SEL1L3: variants seen among roughly 807,000 people sequenced by gnomAD.
The protein encoded by SEL1L3 is SEL1L family member 3.
Under a neutral mutation model 142.8 loss-of-function variants are expected in SEL1L3, and 76 were observed. The observed-to-expected ratio is 0.53, with a 90% CI of 0.44 to 0.64. The LOEUF is 0.64. SEL1L3 is among the 30% of genes least tolerant of loss of function. SEL1L3 has a pLI of 0.00. For synonymous variants in SEL1L3, 504 were observed against 519.6 expected (o/e 0.97, Z 0.41); for missense variants, 1,262 against 1,381.7 (o/e 0.91, Z 1.37).
chr4:25,811,778 T>C (rs1714048518), intron 9 of SEL1L3, among the ~76,000 whole-genome samples: 2 of 151,558 alleles, frequency 1.3e-5, no homozygotes, highest in South Asian at 4.2e-4. Flanking sequence ...TTGTTGTTGT[T>C]GTTAGTAGCC....
At chr4:25,846,552 T>C (rs1716523814) in intron 2 of SEL1L3, among the ~76,000 whole-genome samples, 1 of 152,080 alleles carries the variant, frequency 6.6e-6, no homozygotes, top group African/African-American at 2.4e-5. Context: ...TGGTACAACC[T>C]CCCTTTCTGT....
chr4:25,801,086 C>T (rs1157177301), intron 11 of SEL1L3, among the ~76,000 whole-genome samples: 2 of 152,240 alleles, frequency 1.3e-5, no homozygotes, highest in African/African-American at 2.4e-5. Context: ...CTCAGAGCTG[C>T]TCACTAAGCA....
At chr4:25,718,538 G>A in the SEL1L3 span, 2 of 152,196 alleles carry the variant, frequency 1.3e-5, no homozygotes, top group Non-Finnish European at 2.9e-5. Flanking sequence ...CAAGGGTCTG[G>A]ATGAGGATAG....
chr4:25,784,547 C>G (rs190064912), intron 13 of SEL1L3, among the ~76,000 whole-genome samples: 161 of 152,316 alleles, frequency 1.1e-3, no homozygotes, highest in African/African-American at 3.7e-3. Flanking sequence ...GCAACCCTGT[C>G]AATCCACAGG....
the SEL1L3 span, among the ~76,000 whole-genome samples, chr4:25,714,506 TTCTTTC>T: frequency 2.6e-5 from 1 of 39,114 alleles, no homozygotes; most frequent in African/African-American, 6.9e-5. Flanking sequence ...TTCTTTTTCT[TTCTTTC>T]TTTCTTTCTT....
chr4:25,802,151 G>A (rs999752142), intron 11 of SEL1L3, 132 bp downstream of exon 11: 2 of 748,928 alleles, frequency 2.7e-6, no homozygotes, highest in Non-Finnish European at 4.4e-6. Context: ...GAGAGCGCAA[G>A]ACAGCTCCTC....
In SEL1L3 at chr4:25,847,286, T is replaced by C. The variant is rs1206924157; in HGVS notation, c.733+8A>G. 6 of 1,601,554 alleles carry C rather than the reference T, an allele frequency of 3.7e-6. No homozygotes were observed. The highest frequency in any genetic ancestry group is 5.1e-6 in the Non-Finnish European group (6 of 1,172,956). ...AGAATTAGGTTCCTAGCAAGATAGA[T>C]GACCTACCATTTTCCAGAGGACACT... On this transcript the variant is annotated splice_region_variant and intron_variant, in intron 2 of 23. Coordinates refer to ENST00000399878, the MANE Select transcript of SEL1L3 (RefSeq NM_015187.5).
At chr4:25,812,297 C>G (rs1714084669) in intron 9 of SEL1L3, among the ~76,000 whole-genome samples, 1 of 152,224 alleles carries the variant, frequency 6.6e-6, no homozygotes, top group African/African-American at 2.4e-5. Flanking sequence ...CGTCATCTCT[C>G]CTGTCTCCCC....
chr4:25,863,160 G>C (rs1358957282), upstream of SEL1L3, among the ~76,000 whole-genome samples: 1 of 140,274 alleles, frequency 7.1e-6, no homozygotes, highest in African/African-American at 2.6e-5. Flanking sequence ...ACGCAGGTGG[G>C]CACCGACCCG....
At chr4:25,844,421 TG>T (rs1365800533) in intron 2 of SEL1L3, among the ~76,000 whole-genome samples, 5 of 152,316 alleles carry the variant, frequency 3.3e-5, no homozygotes, top group African/African-American at 1.2e-4. Context: ...CTTTAACTCT[TG>T]GGAAAGGGTT....
At chr4:25,733,299 C>T in the SEL1L3 span, among the ~76,000 whole-genome samples, 1 of 151,994 alleles carries the variant, frequency 6.6e-6, no homozygotes, top group Middle Eastern at 3.4e-3. Flanking sequence ...TAATTTTTCT[C>T]AGTAATACTC....
At chr4:25,851,501 AAG>A (rs1419701468) in intron 1 of SEL1L3, among the ~76,000 whole-genome samples, 2 of 152,178 alleles carry the variant, frequency 1.3e-5, no homozygotes, top group East Asian at 1.9e-4. Context: ...GAGACAGAAT[AAG>A]AGAGAAAGAT....
chr4:25,773,516 C>T (rs922646113), intron 17 of SEL1L3: 4 of 152,346 alleles, frequency 2.6e-5, no homozygotes, highest in South Asian at 2.1e-4. Context: ...CCACATCTTC[C>T]GTTCAAATGC....
chr4:25,835,131 G>C, intron 3 of SEL1L3, 66 bp downstream of exon 3: 1 of 1,587,850 alleles, frequency 6.3e-7, no homozygotes, highest in South Asian at 1.1e-5. Context: ...TCTTCCACTA[G>C]CCTGCTCTGG....
the SEL1L3 span, among the ~76,000 whole-genome samples, chr4:25,731,507 C>T: frequency 6.6e-6 from 1 of 152,170 alleles, no homozygotes; most frequent in Non-Finnish European, 1.5e-5. Flanking sequence ...CTTCTACCCC[C>T]ACACTTCGCC....
intron 17 of SEL1L3, among the ~76,000 whole-genome samples, chr4:25,769,985 C>T (rs886986291): frequency 2.0e-5 from 3 of 151,892 alleles, no homozygotes; most frequent in East Asian, 1.9e-4. Context: ...AAAATTAGCT[C>T]GGCATGGTGG....
At chr4:25,730,939 G>T in the SEL1L3 span, among the ~76,000 whole-genome samples, 9 of 152,172 alleles carry the variant, frequency 5.9e-5, no homozygotes, top group Non-Finnish European at 1.2e-4. Flanking sequence ...GCTGAGGCAG[G>T]AGAATCACTT....
In SEL1L3 at chr4:25,758,946, G is replaced by T; in HGVS notation, c.3078C>A (p.Tyr1026Ter). The T allele has an allele frequency of 6.2e-7, 1 of 1,613,332 alleles. No individual in the cohort carries two copies. The part of the protein sequence containing the change: ...SNNISILQEL[Y>*]ERCWSHSNEE... ...TCTAGAGGCTCTGAGCTCACCTTTC[G>T]TACAGTTCCTGGAGAATGGAGATGT... The change falls in exon 21 of 24, where the codon TAC (tyrosine) becomes TAA (stop). Residue 1026 changes from tyrosine (Y) to a stop codon, truncating the protein, a stop_gained. Coordinates refer to ENST00000399878, the MANE Select transcript of SEL1L3 (RefSeq NM_015187.5). LOFTEE classifies it high-confidence loss of function.
At chr4:25,857,177 T>G (rs980248653) in intron 1 of SEL1L3, among the ~76,000 whole-genome samples, 1 of 152,246 alleles carries the variant, frequency 6.6e-6, no homozygotes, top group East Asian at 1.9e-4. Flanking sequence ...AAAATTCTGT[T>G]TAGGTCAACA....
Sources: gnomAD v4.1 joint callset for allele counts (sites outside exome capture counted in the v4.1 genomes callset) on GRCh38, gnomAD v4.1.1 for gene constraint, MANE v1.5 for transcripts, NCBI Gene and HGNC (gene_info 2026-07-23, HGNC 2026-07-21) for gene names.